CRB2: variants seen among roughly 807,000 people sequenced by gnomAD.
CRB2 encodes crumbs cell polarity complex component 2, also known as protein crumbs homolog 2.
In CRB2, 85 loss-of-function variants were observed where a neutral mutation model predicts 110.9. The observed-to-expected ratio is 0.77, with a 90% CI of 0.64 to 0.92. CRB2 has a LOEUF of 0.92. Among genes scored for constraint, CRB2 ranks in the 40% least tolerant of loss-of-function variants. The pLI is 0.00. For missense variants in CRB2, 1,843 were observed against 1,851.3 expected (o/e 1.00, Z 0.08); for synonymous variants, 907 against 831.0 (o/e 1.09, Z -1.57).
intron 1 of CRB2, among the ~76,000 whole-genome samples, chr9:123,361,961 T>C (rs949962301): frequency 6.6e-6 from 1 of 152,116 alleles, no homozygotes; most frequent in African/African-American, 2.4e-5. Flanking sequence ...TCCAAGCCGG[T>C]TGGTGACCCT....
chr9:123,373,105 C>T, intron 9 of CRB2, 29 bp from the exon 10 acceptor site: 2 of 1,454,418 alleles, frequency 1.4e-6, no homozygotes, highest in African/African-American at 1.5e-5. Flanking sequence ...GCTCCGTGGG[C>T]TATTCCCTGA....
In CRB2 at chr9:123,374,534, G is replaced by T. The variant is rs749629574; in HGVS notation, c.3390-45G>T. 2.0e-5 allele frequency: 28 copies of T among 1,433,362 alleles called. No individual in the cohort carries two copies. In the East Asian group the frequency reaches 6.4e-4, roughly 33 times the overall value. 88.8% of individuals were successfully genotyped at this position (1,433,362 alleles called of 1,614,324 possible). A position where few individuals can be genotyped will look rare whatever the true frequency, so the allele number is the denominator to read the frequency against. On this transcript the variant is annotated intron_variant, in intron 10 of 12. Coordinates refer to ENST00000373631, the MANE Select transcript of CRB2 (RefSeq NM_173689.7). ...ACGGTCACAGCGCTGGGGAGGGCAG[G>T]TCCCAGGTGTCCTGCACCCACTCCA...
chr9:123,379,216 T>C (rs2042163157), downstream of CRB2, among the ~76,000 whole-genome samples: 1 of 152,106 alleles, frequency 6.6e-6, no homozygotes, highest in Non-Finnish European at 1.5e-5. Context: ...TGTTCCACGC[T>C]CACTATGGGG....
At chr9:123,354,336 G>T (rs922838573), upstream of CRB2, among the ~76,000 whole-genome samples, 2 of 151,198 alleles carry the variant, frequency 1.3e-5, no homozygotes, top group Non-Finnish European at 2.9e-5. Flanking sequence ...AAGTGTGGGA[G>T]TTTGTGTCTG....
upstream of CRB2, among the ~76,000 whole-genome samples, chr9:123,355,622 G>C (rs1469954602): frequency 6.7e-6 from 1 of 148,494 alleles, no homozygotes; most frequent in Non-Finnish European, 1.5e-5. Context: ...GGCATGGCCA[G>C]GAGCTAGGGG....
At chr9:123,369,797 C>A (rs188651307) in intron 6 of CRB2, among the ~76,000 whole-genome samples, 4 of 151,920 alleles carry the variant, frequency 2.6e-5, no homozygotes, top group African/African-American at 9.7e-5. Flanking sequence ...TGAAGGCTGG[C>A]GAACTGGGGG....
In CRB2 at chr9:123,367,155, C is replaced by A; in HGVS notation, c.755-17C>A. 6.4e-7 allele frequency: 1 copy of A among 1,566,548 alleles called. No individual in the cohort carries two copies. Among genetic ancestry groups the A allele is most frequent in the Admixed American group, 1.9e-5 (1 of 51,702 alleles). ...GCAACCCCGTGAGACCTGATGTCCGCGTGTGTGTGCCCCCAGGCTACAGCG... is the reference window on the plus strand; with the variant it reads ...GCAACCCCGTGAGACCTGATGTCCGAGTGTGTGTGCCCCCAGGCTACAGCG... On this transcript the variant is annotated splice_polypyrimidine_tract_variant and intron_variant, in intron 4 of 12. Coordinates refer to ENST00000373631, the MANE Select transcript of CRB2 (RefSeq NM_173689.7).
chr9:123,364,668 C>A (rs923182291), intron 2 of CRB2, among the ~76,000 whole-genome samples: 3 of 152,112 alleles, frequency 2.0e-5, no homozygotes, highest in African/African-American at 7.2e-5. Flanking sequence ...CCTCTGGCCC[C>A]CGCTTGACCA....
intron 2 of CRB2, 62 bp from the exon 3 acceptor site, chr9:123,365,855 G>T: frequency 7.0e-7 from 1 of 1,435,540 alleles, no homozygotes; most frequent in South Asian, 1.3e-5. Flanking sequence ...GGCCTGGCGC[G>T]ACCTCTTCCG....
chr9:123,367,710 G>GGGACCATCAGAATTGGTGGTCCTC (rs2041958487), intron 6 of CRB2, 24 bp downstream of exon 6: 3 of 1,467,672 alleles, frequency 2.0e-6, no homozygotes, highest in Non-Finnish European at 2.8e-6. Context: ...GGTGGGCCCT[G>GGGACCATCAGAATTGGTGGTCCTC]GGACCATCAG....
At position 123,370,936 on chromosome 9, in the gene CRB2, G is replaced by C. The variant is rs765111298; in HGVS notation, c.1883G>C (p.Arg628Pro). 1 of 1,609,056 alleles carries C rather than the reference G, an allele frequency of 6.2e-7. No individual in the cohort carries two copies. Among genetic ancestry groups the C allele is most frequent in the African/African-American group, 1.3e-5 (1 of 74,424 alleles). The change falls in exon 7 of 13, where the codon CGT becomes CCT. Residue 628 changes from arginine (R) to proline (P), a missense_variant. Coordinates refer to ENST00000373631, the MANE Select transcript of CRB2 (RefSeq NM_173689.7). ...TGTGTGGATCTGTGGACTCATTTCC[G>C]TTGCGACTGTGCCCGGCCCCATAGA... is the stretch of plus-strand genomic sequence containing the variant. Reference protein sequence around the residue: ...GSCVDLWTHFRCDCARPHRGP... With the variant: ...GSCVDLWTHFPCDCARPHRGP...
chr9:123,360,807 G>A (rs1022379651), intron 1 of CRB2, among the ~76,000 whole-genome samples: 4 of 152,144 alleles, frequency 2.6e-5, no homozygotes, highest in East Asian at 1.9e-4. Flanking sequence ...TATCCACCTC[G>A]GAGGTAAATG....
chr9:123,355,388 C>A (rs960830922), upstream of CRB2, among the ~76,000 whole-genome samples: 7 of 151,810 alleles, frequency 4.6e-5, no homozygotes, highest in African/African-American at 1.7e-4. Context: ...GCAGTGAGGT[C>A]GCTGGAGTTG....
chr9:123,376,140 GAGGCTGGC>G (rs2042100431), intron 12 of CRB2, among the ~76,000 whole-genome samples: 2 of 152,204 alleles, frequency 1.3e-5, no homozygotes, highest in African/African-American at 4.8e-5. Flanking sequence ...TCCAACGGTG[GAGGCTGGC>G]AGGACCCTCT....
At chr9:123,357,684 C>CGGTCTGT (rs1338690706) in intron 1 of CRB2, among the ~76,000 whole-genome samples, 1 of 152,086 alleles carries the variant, frequency 6.6e-6, no homozygotes, top group East Asian at 1.9e-4. Flanking sequence ...CGTGAGATCC[C>CGGTCTGT]GGTCTGTGGA....
At chr9:123,370,042 G>T (rs1277344170) in intron 6 of CRB2, 66 bp from the exon 7 acceptor site, 1 of 1,511,872 alleles carries the variant, frequency 6.6e-7, no homozygotes. Context: ...AGGCATGTAA[G>T]TTCTGGGTCA....
In CRB2 at chr9:123,370,257, G is replaced by A; in HGVS notation, c.1204G>A (p.Gly402Ser). The change falls in exon 7 of 13, where the codon GGC becomes AGC. Residue 402 changes from glycine (G) to serine (S), a missense_variant. Transcript: ENST00000373631. The part of the protein sequence containing the change: ...DCSVQLTGCQ[G>S]HTCPLAATCI... ...TTCTGTGCAGCTCACTGGCTGCCAG[G>A]GCCACACCTGCCCGCTGGCTGCCAC... 6.2e-7 allele frequency: 1 copy of A among 1,613,312 alleles called. No homozygotes were observed. The highest frequency in any genetic ancestry group is 8.5e-7 in the Non-Finnish European group (1 of 1,180,008).
chr9:123,357,394 G>A (rs1002818132), intron 1 of CRB2, among the ~76,000 whole-genome samples: 8 of 152,152 alleles, frequency 5.3e-5, no homozygotes, highest in Non-Finnish European at 1.0e-4. Flanking sequence ...CCCTGCCCCA[G>A]AGCTCCACAG....
At chr9:123,362,500 C>A (rs1186448500) in intron 1 of CRB2, among the ~76,000 whole-genome samples, 2 of 152,210 alleles carry the variant, frequency 1.3e-5, no homozygotes, top group Non-Finnish European at 2.9e-5. Context: ...CTTTCCTGGG[C>A]CTCCTTTTGC....
Sources: gnomAD v4.1 joint callset for allele counts (sites outside exome capture counted in the v4.1 genomes callset) on GRCh38, gnomAD v4.1.1 for gene constraint, MANE v1.5 for transcripts, NCBI Gene and HGNC (gene_info 2026-07-23, HGNC 2026-07-21) for gene names.